The following TAF12 variants were observed in gnomAD, a reference collection of about 807,000 sequenced individuals.
The protein encoded by TAF12 is TATA-box binding protein associated factor 12, also known as transcription initiation factor TFIID subunit 12.
Under a neutral mutation model 20.8 loss-of-function variants are expected in TAF12, and 3 were observed. The observed-to-expected ratio is 0.14, with a 90% CI of 0.07 to 0.37. TAF12 has a LOEUF of 0.37. Among genes scored for constraint, TAF12 ranks in the 10% least tolerant of loss-of-function variants. The pLI is 1.00. For synonymous variants in TAF12, 69 were observed against 70.2 expected (o/e 0.98, Z 0.09); for missense variants, 131 against 197.9 (o/e 0.66, Z 2.03).
rs185123116 is a variant in TAF12, at chr1:28,630,447, G to A, written c.-84-8282C>T. Among the ~76,000 whole-genome samples the A allele has an allele frequency of 1.6e-4, 24 of 152,094 alleles. No individual in the cohort carries two copies. In the East Asian group the frequency reaches 4.5e-3, roughly 28 times the overall value. On this transcript the variant is annotated intron_variant, in intron 1 of 5. Transcript: ENST00000373824. ...CGTGCGCCTGTAATCTAAGCTACTC[G>A]AGGCTGAGGCAGGAGAATCGCTTGA...
chr1:28,643,994 T>G (rs1189738897), upstream of TAF12, among the ~76,000 whole-genome samples: 1 of 149,106 alleles, frequency 6.7e-6, no homozygotes, highest in East Asian at 2.0e-4. Context: ...GAGGTTGCAG[T>G]GAGCCGAGAT....
chr1:28,635,335 G>A (rs1460283354), intron 1 of TAF12, among the ~76,000 whole-genome samples: 1 of 104,338 alleles, frequency 9.6e-6, no homozygotes, highest in Non-Finnish European at 1.8e-5. Flanking sequence ...CCAGGCTACA[G>A]TGCAGTGTCG....
chr1:28,615,678 CAAAAAAAAAAAAAAAAAAA>C lies in TAF12; in HGVS notation c.246+2256_246+2274del, dbSNP rs57536422. 4.1e-4 allele frequency among the ~76,000 whole-genome samples: 14 copies of C among 34,494 alleles called. No individual in the cohort carries two copies. The South Asian group carries it at 0.016, about 39-fold the overall frequency. The allele number at this position is 34,494 out of a possible 152,430, so 22.6% of individuals were successfully genotyped here. On this transcript the variant is annotated intron_variant, in intron 3 of 5. Transcript: ENST00000373824. ...TGGTCAACAGAGCGAGACTCCGTCTCAAAAAAAAAAAAAAAAAAAAAAAAAAAAAAAAAAGAAGCTAAGG... is the reference window on the plus strand; with the variant it reads ...TGGTCAACAGAGCGAGACTCCGTCTCAAAAAAAAAAAAAAAGAAGCTAAGG...
chr1:28,642,737 C>T (rs895762130), intron 1 of TAF12: 2 of 985,300 alleles, frequency 2.0e-6, no homozygotes, highest in Non-Finnish European at 1.2e-6. Flanking sequence ...TCCTGCTCCT[C>T]TCAGACCACT....
upstream of TAF12, among the ~76,000 whole-genome samples, chr1:28,647,930 T>A (rs1451463881): frequency 3.9e-5 from 6 of 152,124 alleles, no homozygotes; most frequent in Admixed American, 1.3e-4. Context: ...GGTACAGTAT[T>A]TCATTTTTCA....
intron 3 of TAF12, among the ~76,000 whole-genome samples, chr1:28,617,087 T>C (rs2124324641): frequency 6.6e-6 from 1 of 151,944 alleles, no homozygotes; most frequent in South Asian, 2.1e-4. Context: ...GCCATTGCAC[T>C]CCAGCGTGGG....
At chr1:28,627,684 A>AC (rs1667464072) in intron 1 of TAF12, among the ~76,000 whole-genome samples, 1 of 150,562 alleles carries the variant, frequency 6.6e-6, no homozygotes, top group Non-Finnish European at 1.5e-5. Flanking sequence ...AAAAAAAAAA[A>AC]AAACTAAAAA....
chr1:28,646,633 T>A (rs927895844), upstream of TAF12, among the ~76,000 whole-genome samples: 1 of 151,698 alleles, frequency 6.6e-6, no homozygotes, highest in Non-Finnish European at 1.5e-5. Context: ...CAGGTTCAAG[T>A]GATTCTCCTG....
At chr1:28,642,611 C>T (rs1341893194) in intron 1 of TAF12, 2 of 982,388 alleles carry the variant, frequency 2.0e-6, no homozygotes, top group Admixed American at 1.2e-4. Flanking sequence ...CACTGTCCCG[C>T]TTCTGCCTCT....
chr1:28,647,616 A>G (rs921092003), upstream of TAF12, among the ~76,000 whole-genome samples: 2 of 152,176 alleles, frequency 1.3e-5, no homozygotes, highest in Non-Finnish European at 2.9e-5. Context: ...GCTCACGCCT[A>G]TAATCCCAGC....
Position 28,643,052 on chromosome 1 carries a change from A to G in TAF12, c.-145T>C. The G allele has an allele frequency of 1.0e-6, 1 of 985,828 alleles. No homozygotes were observed. The highest frequency in any genetic ancestry group is 1.2e-6 in the Non-Finnish European group (1 of 829,942). The allele number at this position is 985,828 out of a possible 1,614,324, so 61.1% of individuals were successfully genotyped here. ...ACTGCCCCAGTGAAGCGTTCGTCTC[A>G]GCAGCCGGTCCGACTGCGCGGCCCT... On this transcript the variant is annotated 5_prime_UTR_variant, in exon 1 of 6. Transcript: ENST00000373824.
At chr1:28,639,045 G>A (rs1331077526) in intron 1 of TAF12, among the ~76,000 whole-genome samples, 7 of 151,806 alleles carry the variant, frequency 4.6e-5, no homozygotes. Flanking sequence ...AAAGTGCTGG[G>A]ATTACCGGCG....
chr1:28,603,155 C>CG lies in TAF12; in HGVS notation c.*383_*384insC. The CG allele has an allele frequency of 5.5e-6, 1 of 182,382 alleles. No individual in the cohort carries two copies. The highest frequency in any genetic ancestry group is 1.6e-4 in the South Asian group (1 of 6,172). The allele number at this position is 182,382 out of a possible 1,614,324, so 11.3% of individuals were successfully genotyped here. A position where few individuals can be genotyped will look rare whatever the true frequency, so the allele number is the denominator to read the frequency against. Reference sequence around the variant, plus strand: ...AATGAAAGTCATATTCATATAAACACTGACATTACAAAGTACAGGGAAAAG... The same window carrying CG: ...AATGAAAGTCATATTCATATAAACACGTGACATTACAAAGTACAGGGAAAAG... On this transcript the variant is annotated 3_prime_UTR_variant, in exon 6 of 6. Transcript: ENST00000373824.
At chr1:28,633,157 C>T (rs1276710685) in intron 1 of TAF12, among the ~76,000 whole-genome samples, 1 of 141,606 alleles carries the variant, frequency 7.1e-6, no homozygotes, top group African/African-American at 2.6e-5. Context: ...CCTCCAAGCC[C>T]GGCCTACTTT....
At chr1:28,640,692 A>G (rs1668001504) in intron 1 of TAF12, among the ~76,000 whole-genome samples, 1 of 152,186 alleles carries the variant, frequency 6.6e-6, no homozygotes, top group Non-Finnish European at 1.5e-5. Flanking sequence ...AAAAGCAGCC[A>G]TCCCTAGTAA....
intron 1 of TAF12, among the ~76,000 whole-genome samples, chr1:28,634,544 A>C (rs1268037102): frequency 3.3e-5 from 5 of 152,166 alleles, no homozygotes; most frequent in Non-Finnish European, 5.9e-5. Context: ...TCACAAAGTA[A>C]ATATGGAAAG....
intron 1 of TAF12, among the ~76,000 whole-genome samples, chr1:28,634,870 A>C (rs991493887): frequency 6.6e-6 from 1 of 151,932 alleles, no homozygotes; most frequent in African/African-American, 2.4e-5. Flanking sequence ...TGGAGGTTGC[A>C]GTGAGCCGAG....
At chr1:28,604,162 C>T (rs1345103241) in intron 5 of TAF12, among the ~76,000 whole-genome samples, 1 of 152,126 alleles carries the variant, frequency 6.6e-6, no homozygotes, top group Non-Finnish European at 1.5e-5. Flanking sequence ...GGCTCGGCCT[C>T]CCAAAGTGCT....
chr1:28,625,820 C>T (rs1047436627), intron 1 of TAF12, among the ~76,000 whole-genome samples: 2 of 151,382 alleles, frequency 1.3e-5, no homozygotes, highest in African/African-American at 4.9e-5. Context: ...AGATTACAGG[C>T]GTGAGCCACC....
Sources: gnomAD v4.1 joint callset for allele counts (sites outside exome capture counted in the v4.1 genomes callset) on GRCh38, gnomAD v4.1.1 for gene constraint, MANE v1.5 for transcripts, NCBI Gene and HGNC (gene_info 2026-07-23, HGNC 2026-07-21) for gene names.